OSTN: variants seen among roughly 807,000 people sequenced by gnomAD.
OSTN encodes osteocrin.
OSTN carries 9 observed loss-of-function variants against 12.0 expected under a neutral mutation model. The observed-to-expected ratio is 0.75, with a 90% CI of 0.45 to 1.30. OSTN has a LOEUF of 1.30. OSTN is among the 50% of genes most tolerant of loss of function. OSTN has a pLI of 0.00. For synonymous variants in OSTN, 59 were observed against 56.9 expected, an observed-to-expected ratio of 1.04 and a Z score of -0.16; for missense variants, 148 against 152.3, an observed-to-expected ratio of 0.97 and a Z score of 0.15.
At chr3:191,205,271 C>CTTA (rs2108587929) in intron 1 of OSTN, among the ~76,000 whole-genome samples, 1 of 152,152 alleles carries the variant, frequency 6.6e-6, no homozygotes, top group South Asian at 2.1e-4. Flanking sequence ...AGATCATTAG[C>CTTA]CCATTAAGGA....
At chr3:191,223,761 G>A (rs1004710398) in intron 3 of OSTN, among the ~76,000 whole-genome samples, 3 of 151,688 alleles carry the variant, frequency 2.0e-5, no homozygotes, top group African/African-American at 7.3e-5. Context: ...AAAAAAGCAC[G>A]ATAAAATAGA....
At chr3:191,204,078 C>T (rs1714214621) in intron 1 of OSTN, among the ~76,000 whole-genome samples, 1 of 152,062 alleles carries the variant, frequency 6.6e-6, no homozygotes, top group Non-Finnish European at 1.5e-5. Context: ...GTAGTAGAAA[C>T]GGGGTTTCAC....
At chr3:191,236,465 T>C (rs1715192518) in intron 3 of OSTN, among the ~76,000 whole-genome samples, 1 of 151,664 alleles carries the variant, frequency 6.6e-6, no homozygotes, top group African/African-American at 2.4e-5. Flanking sequence ...AAATGCCTAC[T>C]CCATAGAGAG....
intron 4 of OSTN, among the ~76,000 whole-genome samples, chr3:191,252,060 A>ATT (rs34589385): frequency 2.6e-5 from 4 of 151,060 alleles, no homozygotes; most frequent in African/African-American, 9.7e-5. Flanking sequence ...TTTTCATATG[A>ATT]TTTTTTTTTG....
At chr3:191,214,470 A>G (rs1455012931) in intron 2 of OSTN, among the ~76,000 whole-genome samples, 1 of 151,286 alleles carries the variant, frequency 6.6e-6, no homozygotes, top group Non-Finnish European at 1.5e-5. Flanking sequence ...AAACAGCAAC[A>G]AAAAACCACC....
intron 2 of OSTN, among the ~76,000 whole-genome samples, 157 bp from the exon 3 acceptor site, chr3:191,218,590 C>T (rs570658383): frequency 1.3e-5 from 2 of 152,240 alleles, no homozygotes; most frequent in Admixed American, 6.5e-5. Flanking sequence ...GCCATTGCAC[C>T]CCAACCTTGA....
chr3:191,261,556 G>C (rs922550614), intron 4 of OSTN, among the ~76,000 whole-genome samples: 1 of 152,174 alleles, frequency 6.6e-6, no homozygotes, highest in African/African-American at 2.4e-5. Context: ...ATCTAGACAA[G>C]AGGAGGGCTG....
chr3:191,247,622 G>A (rs776878572), intron 3 of OSTN, among the ~76,000 whole-genome samples: 1 of 152,104 alleles, frequency 6.6e-6, no homozygotes, highest in East Asian at 1.9e-4. Flanking sequence ...CTGTAATATT[G>A]TTTGAGTATA....
At chr3:191,243,527 G>A (rs984012287) in intron 3 of OSTN, among the ~76,000 whole-genome samples, 7 of 152,066 alleles carry the variant, frequency 4.6e-5, no homozygotes, top group African/African-American at 1.7e-4. Context: ...TGAAAGAAGT[G>A]GAGAAAAATT....
rs559532685 is a variant in OSTN, at chr3:191,248,810, A to G, written c.318-1227A>G. ...AAGAATTCAAAAAAATTAATCAGAC[A>G]TGGTGGTACACACTTATAGTCCCAG... On this transcript the variant is annotated intron_variant, in intron 3 of 4. Coordinates refer to ENST00000682035, the MANE Select transcript of OSTN (RefSeq NM_198184.2). Among the ~76,000 whole-genome samples the G allele has an allele frequency of 5.3e-5, 8 of 152,308 alleles. No individual in the cohort carries two copies. The South Asian group carries it at 1.2e-3, about 24-fold the overall frequency.
At chr3:191,230,404 A>T (rs1715021999) in intron 3 of OSTN, among the ~76,000 whole-genome samples, 1 of 119,744 alleles carries the variant, frequency 8.4e-6, no homozygotes, top group Admixed American at 7.8e-5. Flanking sequence ...TCTCTACTAA[A>T]ATACAAAAAA....
intron 1 of OSTN, among the ~76,000 whole-genome samples, chr3:191,205,446 AT>A (rs1403704057): frequency 6.5e-5 from 9 of 137,580 alleles, no homozygotes; most frequent in African/African-American, 1.1e-4. Context: ...AAAAAAAAAT[AT>A]ATATATATAT....
intron 1 of OSTN, among the ~76,000 whole-genome samples, chr3:191,211,607 A>G (rs1032959074): frequency 1.3e-5 from 2 of 152,158 alleles, no homozygotes; most frequent in African/African-American, 2.4e-5. Flanking sequence ...GATTAGATTC[A>G]TTTTCAACTC....
chr3:191,239,676 G>A (rs1165548392), intron 3 of OSTN, among the ~76,000 whole-genome samples: 1 of 152,224 alleles, frequency 6.6e-6, no homozygotes, highest in African/African-American at 2.4e-5. Flanking sequence ...TAAACTTTCT[G>A]CTAAGTGAAT....
At position 191,251,643 on chromosome 3, in the gene OSTN, T is replaced by G. The variant is rs113270030; in HGVS notation, c.*12+1510T>G. 4.0e-3 allele frequency among the ~76,000 whole-genome samples: 603 copies of G among 152,350 alleles called. 2 individuals are homozygous for G. The highest frequency in any genetic ancestry group is 6.3e-3 in the Non-Finnish European group (429 of 68,030). On this transcript the variant is annotated intron_variant, in intron 4 of 4. Coordinates refer to ENST00000682035, the MANE Select transcript of OSTN (RefSeq NM_198184.2). Reference sequence around the variant, plus strand: ...CACTCAGTTAAAATAAATTTCATTATCATGGAGTTGTTTAATGAACCTCTG... The same window carrying G: ...CACTCAGTTAAAATAAATTTCATTAGCATGGAGTTGTTTAATGAACCTCTG...
intron 2 of OSTN, among the ~76,000 whole-genome samples, chr3:191,213,820 G>A (rs1170802130): frequency 6.6e-6 from 1 of 151,900 alleles, no homozygotes; most frequent in East Asian, 1.9e-4. Flanking sequence ...TGTAGTGTGT[G>A]TTAGTTGGAA....
At chr3:191,234,274 CTATT>C (rs895736956) in intron 3 of OSTN, among the ~76,000 whole-genome samples, 2 of 152,058 alleles carry the variant, frequency 1.3e-5, no homozygotes, top group African/African-American at 4.8e-5. Flanking sequence ...CAAAGGAAGA[CTATT>C]TACAAAACTC....
At chr3:191,225,179 A>G (rs893784115) in intron 3 of OSTN, among the ~76,000 whole-genome samples, 3 of 152,154 alleles carry the variant, frequency 2.0e-5, no homozygotes, top group East Asian at 3.8e-4. Flanking sequence ...ATAGGAAACT[A>G]CTATGCTCAA....
chr3:191,211,465 T>C (rs901173551), intron 1 of OSTN, among the ~76,000 whole-genome samples: 2 of 152,208 alleles, frequency 1.3e-5, no homozygotes, highest in Non-Finnish European at 2.9e-5. Context: ...CTATGAACTT[T>C]CAGATACATG....
Sources: allele counts gnomAD v4.1 joint callset (sites outside exome capture counted in the v4.1 genomes callset), GRCh38; gene constraint gnomAD v4.1.1; transcripts MANE v1.5; gene names NCBI Gene and HGNC (gene_info 2026-07-23, HGNC 2026-07-21).